ACMSD: variants seen among roughly 807,000 people sequenced by gnomAD.
ACMSD encodes aminocarboxymuconate semialdehyde decarboxylase, also known as 2-amino-3-carboxymuconate-6-semialdehyde decarboxylase.
A neutral mutation model predicts 45.9 loss-of-function variants in ACMSD; 37 were observed. The observed-to-expected ratio is 0.81, with a 90% CI of 0.62 to 1.06. The LOEUF (loss-of-function observed/expected upper bound fraction) is 1.06. ACMSD is among the 50% of genes least tolerant of loss of function. The pLI, the probability that ACMSD is intolerant of heterozygous loss-of-function variation, is 0.00. For synonymous variants in ACMSD, 138 were observed against 148.8 expected, an observed-to-expected ratio of 0.93 and a Z score of 0.53; for missense variants, 434 against 420.9, an observed-to-expected ratio of 1.03 and a Z score of -0.27.
chr2:134,863,792 G>A lies in ACMSD; in HGVS notation c.486+161G>A, dbSNP rs540687525. 4.6e-5 allele frequency among the ~76,000 whole-genome samples: 7 copies of A among 152,156 alleles called. No homozygotes were observed. The East Asian group carries it at 7.8e-4, about 17-fold the overall frequency. ...GGTAGAAGGTGTGGAAATAGCCCCCGCAAAGGAGTGGGCCATTCCAAAGAG... is the reference window on the plus strand; with the variant it reads ...GGTAGAAGGTGTGGAAATAGCCCCCACAAAGGAGTGGGCCATTCCAAAGAG... On this transcript the variant is annotated intron_variant, in intron 5 of 9. Coordinates refer to ENST00000356140, the MANE Select transcript of ACMSD (RefSeq NM_138326.3).
At chr2:134,870,888 TC>T in intron 6 of ACMSD, 76 bp from the exon 7 acceptor site, 1 of 1,281,790 alleles carries the variant, frequency 7.8e-7, no homozygotes. Flanking sequence ...CACTGACAAT[TC>T]CCCAGCCACT....
chr2:134,857,945 GTCTGTATC>G (rs1459189714), intron 2 of ACMSD: 1 of 151,620 alleles, frequency 6.6e-6, no homozygotes, highest in East Asian at 2.0e-4. Context: ...GTAGAAATTT[GTCTGTATC>G]TATTGATATG....
chr2:134,882,311 G>T (rs796436500), intron 8 of ACMSD, among the ~76,000 whole-genome samples: 1 of 152,124 alleles, frequency 6.6e-6, no homozygotes, highest in Non-Finnish European at 1.5e-5. Context: ...AGAAGTTGTG[G>T]TAAGCGAGAG....
At chr2:134,857,828 C>T (rs1205476379) in intron 2 of ACMSD, 2 of 149,364 alleles carry the variant, frequency 1.3e-5, no homozygotes, top group Admixed American at 1.3e-4. Context: ...GATTGCCATA[C>T]ATAGACTTTA....
Position 134,867,589 on chromosome 2 carries a change from G to C in ACMSD, c.497G>C (p.Arg166Thr). 6.2e-7 allele frequency: 1 copy of C among 1,613,756 alleles called. No individual in the cohort carries two copies. The highest frequency in any genetic ancestry group is 8.5e-7 in the Non-Finnish European group (1 of 1,179,780). The change falls in exon 6 of 10, where the codon AGG (arginine) becomes ACG (threonine). Residue 166 changes from arginine to threonine, a missense_variant. Arg to Thr is a moderately conservative substitution (Grantham distance 71). Coordinates refer to ENST00000356140, the MANE Select transcript of ACMSD (RefSeq NM_138326.3). ...ELFPVYAAAE[R>T]LKCSLFVHPW... ...ATTGCTTCTTTGAAGGCAGCCGAAAGGCTGAAGTGTTCCCTGTTCGTGCAT... is the reference window on the plus strand; with the variant it reads ...ATTGCTTCTTTGAAGGCAGCCGAAACGCTGAAGTGTTCCCTGTTCGTGCAT...
At chr2:134,886,246 A>ATTATTATTATTATTATTATTTTTTTT in intron 8 of ACMSD, among the ~76,000 whole-genome samples, 7 of 115,474 alleles carry the variant, frequency 6.1e-5, no homozygotes, top group Admixed American at 1.7e-4. Context: ...TATTATTATT[A>ATTATTATTATTATTATTATTTTTTTT]TTTTTTTTTT....
At chr2:134,890,953 C>G (rs1689750054) in intron 8 of ACMSD, among the ~76,000 whole-genome samples, 1 of 151,922 alleles carries the variant, frequency 6.6e-6, no homozygotes, top group Non-Finnish European at 1.5e-5. Context: ...TATTCATGTT[C>G]TTTGCTCAAT....
intron 8 of ACMSD, among the ~76,000 whole-genome samples, chr2:134,891,459 C>T (rs528632999): frequency 5.3e-5 from 8 of 152,098 alleles, no homozygotes; most frequent in African/African-American, 1.7e-4. Context: ...AGAAGACATA[C>T]AAATGGCCAA....
chr2:134,871,885 T>C (rs997270923), intron 7 of ACMSD, among the ~76,000 whole-genome samples: 1 of 152,142 alleles, frequency 6.6e-6, no homozygotes, highest in Admixed American at 6.5e-5. Context: ...TGATAGGTTG[T>C]CTCAATATTT....
intron 8 of ACMSD, among the ~76,000 whole-genome samples, chr2:134,889,145 G>C (rs1473999499): frequency 6.6e-6 from 1 of 152,196 alleles, no homozygotes; most frequent in Non-Finnish European, 1.5e-5. Flanking sequence ...GTGTCTCACT[G>C]TTGGATAAGG....
rs199705304 is a variant in ACMSD, at chr2:134,845,272, A to G, written c.97A>G (p.Ser33Gly). The G allele has an allele frequency of 6.2e-7, 1 of 1,614,114 alleles. No homozygotes were observed. Among genetic ancestry groups the G allele is most frequent in the Non-Finnish European group, 8.5e-7 (1 of 1,179,998 alleles). The change falls in exon 2 of 10, where the codon AGC becomes GGC. Residue 33 changes from serine to glycine, a missense_variant. By Grantham distance (56) the Ser-to-Gly change is moderately conservative (BLOSUM62 0). Transcript: ENST00000356140. Reference sequence around the variant, plus strand: ...AGGCTGGGTGCAGCTCCAACACCACAGCAAGGTGAGTTTCTTCCAAAGTAT... The same window carrying G: ...AGGCTGGGTGCAGCTCCAACACCACGGCAAGGTGAGTTTCTTCCAAAGTAT... ...YGGWVQLQHH[S>G]KGEAKLLKDG... is the part of the protein sequence containing the mutation.
chr2:134,885,385 TGTAAATATATATA>T (rs1373962506), intron 8 of ACMSD, among the ~76,000 whole-genome samples: 13 of 104,152 alleles, frequency 1.2e-4, no homozygotes, highest in Non-Finnish European at 2.3e-4. Flanking sequence ...ATAATATATA[TGTAAATATATATA>T]TTTATATATA....
intron 2 of ACMSD, among the ~76,000 whole-genome samples, chr2:134,848,537 T>C (rs921050380): frequency 7.9e-5 from 12 of 152,246 alleles, no homozygotes; most frequent in African/African-American, 2.9e-4. Flanking sequence ...CCAGTGATGA[T>C]GAGCTTTTTT....
chr2:134,845,509 GTCTCTC>G (rs59782657), intron 2 of ACMSD, among the ~76,000 whole-genome samples: 5,664 of 94,322 alleles, frequency 0.06, 267 homozygotes, highest in East Asian at 0.23. Flanking sequence ...ACATTAAAAG[GTCTCTC>G]TCTCTCTCTC....
At chr2:134,843,622 C>A (rs570113032) in intron 1 of ACMSD, among the ~76,000 whole-genome samples, 1 of 152,122 alleles carries the variant, frequency 6.6e-6, no homozygotes, top group Admixed American at 6.5e-5. Context: ...AACTGCTGTA[C>A]CCTGGCCTCA....
chr2:134,892,955 C>T (rs1347854080), intron 8 of ACMSD, among the ~76,000 whole-genome samples: 1 of 152,170 alleles, frequency 6.6e-6, no homozygotes, highest in Non-Finnish European at 1.5e-5. Context: ...TAGGATGAGA[C>T]TGACTGCCCA....
intron 8 of ACMSD, among the ~76,000 whole-genome samples, chr2:134,882,837 G>A (rs533772911): frequency 6.6e-6 from 1 of 152,310 alleles, no homozygotes; most frequent in East Asian, 1.9e-4. Flanking sequence ...TGTGTTTGCA[G>A]AACTCCCTAA....
At chr2:134,885,285 T>TATA (rs10636216) in intron 8 of ACMSD, among the ~76,000 whole-genome samples, 41 of 104,362 alleles carry the variant, frequency 3.9e-4, no homozygotes, top group East Asian at 9.3e-4. Context: ...ATATTATATA[T>TATA]TATATTTATA....
At chr2:134,881,871 AC>A (rs1689059645) in intron 8 of ACMSD, among the ~76,000 whole-genome samples, 1 of 152,158 alleles carries the variant, frequency 6.6e-6, no homozygotes, top group Non-Finnish European at 1.5e-5. Flanking sequence ...TAATCCCAGC[AC>A]TTTGGGAGGC....
Sources: gnomAD v4.1 joint callset for allele counts (sites outside exome capture counted in the v4.1 genomes callset) on GRCh38, gnomAD v4.1.1 for gene constraint, MANE v1.5 for transcripts, NCBI Gene and HGNC (gene_info 2026-07-23, HGNC 2026-07-21) for gene names.